Variants in UTRN observed in about 807,000 individuals in gnomAD.
UTRN encodes utrophin.
A neutral mutation model predicts 463.9 loss-of-function variants in UTRN; 283 were observed. The ratio of observed to expected loss-of-function variants is 0.61; its 90% CI spans 0.55 to 0.67. The LOEUF (loss-of-function observed/expected upper bound fraction) is 0.67, where lower values mean the gene tolerates loss of function less well. Among genes scored for constraint, UTRN ranks in the 30% least tolerant of loss-of-function variants. The pLI is 0.00. For synonymous variants in UTRN, 1,442 were observed against 1,431.5 expected (o/e 1.01, Z -0.17); for missense variants, 3,922 against 4,084.3 (o/e 0.96, Z 1.08).
intron 65 of UTRN, among the ~76,000 whole-genome samples, chr6:144,820,491 T>A (rs62427248): frequency 5.4e-5 from 3 of 55,422 alleles, no homozygotes; most frequent in East Asian, 7.5e-3. Flanking sequence ...CCATTGTGGT[T>A]AAAACCACAA....
At chr6:144,470,409 G>T (rs1257805102) in intron 23 of UTRN, among the ~76,000 whole-genome samples, 1 of 151,104 alleles carries the variant, frequency 6.6e-6, no homozygotes, top group Non-Finnish European at 1.5e-5. Flanking sequence ...GGGCGGAGGG[G>T]CTCCTCAGTT....
At chr6:144,744,162 T>A (rs1790412520) in intron 54 of UTRN, among the ~76,000 whole-genome samples, 1 of 145,700 alleles carries the variant, frequency 6.9e-6, no homozygotes, top group South Asian at 2.2e-4. Flanking sequence ...CTGTGGCACA[T>A]AACTGTGATC....
intron 41 of UTRN, among the ~76,000 whole-genome samples, chr6:144,524,023 T>C (rs1319675064): frequency 6.6e-6 from 1 of 152,168 alleles, no homozygotes; most frequent in Non-Finnish European, 1.5e-5. Context: ...AATAACCCAG[T>C]GGAAAGCGCT....
At chr6:144,469,028 C>G (rs1385389043) in intron 23 of UTRN, among the ~76,000 whole-genome samples, 1 of 152,174 alleles carries the variant, frequency 6.6e-6, no homozygotes, top group African/African-American at 2.4e-5. Context: ...CCGAGTGAAT[C>G]TGCTGCTGCC....
At chr6:144,838,385 C>CT (rs75731859) in intron 71 of UTRN, among the ~76,000 whole-genome samples, 19,648 of 152,168 alleles carry the variant, frequency 0.13, 1,417 homozygotes, top group African/African-American at 0.19. Context: ...AAATTCAACT[C>CT]TAATAGTAAA....
chr6:144,758,084 A>G (rs1792213382), intron 58 of UTRN, 95 bp downstream of exon 58: 1 of 1,011,304 alleles, frequency 9.9e-7, no homozygotes, highest in Non-Finnish European at 1.5e-6. Flanking sequence ...TAAAAATAGA[A>G]TTCAGTCCTA....
Position 144,513,961 on chromosome 6 carries a change from CCTGG to C in UTRN, c.5000_5003del (p.Trp1667PhefsTer23). On this transcript the variant is annotated frameshift_variant, in exon 36 of 75. Coordinates refer to ENST00000367545, the MANE Select transcript of UTRN (RefSeq NM_007124.3). LOFTEE classifies it high-confidence loss of function. ...GATGGGAACGTGGCTCACATAAGTACCTGGCTTTATCAAGCTGAAGCTCTATTGG... is the reference window on the plus strand; with the variant it reads ...GATGGGAACGTGGCTCACATAAGTACCTTTATCAAGCTGAAGCTCTATTGG... 6.2e-7 allele frequency: 1 copy of C among 1,613,914 alleles called. No homozygotes were observed. Among genetic ancestry groups the C allele is most frequent in the Non-Finnish European group, 8.5e-7 (1 of 1,179,938 alleles).
intron 36 of UTRN, among the ~76,000 whole-genome samples, chr6:144,514,304 T>G (rs2128591972): frequency 6.6e-6 from 1 of 152,356 alleles, no homozygotes; most frequent in African/African-American, 2.4e-5. Context: ...GATTGCTGAC[T>G]TTTGTATTCT....
intron 69 of UTRN, among the ~76,000 whole-genome samples, chr6:144,834,369 G>T (rs1366134726): frequency 6.6e-6 from 1 of 152,116 alleles, no homozygotes; most frequent in Non-Finnish European, 1.5e-5. Context: ...GATGAAGAAA[G>T]CAAAATAAAT....
chr6:144,687,044 A>G (rs1782842869), intron 52 of UTRN, among the ~76,000 whole-genome samples: 1 of 151,688 alleles, frequency 6.6e-6, no homozygotes, highest in East Asian at 1.9e-4. Context: ...AAGATTGAGA[A>G]CTCCTTTTAG....
chr6:144,488,905 G>T, intron 30 of UTRN, 71 bp downstream of exon 30: 1 of 1,382,048 alleles, frequency 7.2e-7, no homozygotes. Context: ...AACTATAAGA[G>T]AACCCCTCCT....
intron 12 of UTRN, 36 bp downstream of exon 12, chr6:144,438,931 A>G (rs973328557): frequency 1.9e-6 from 3 of 1,606,754 alleles, no homozygotes; most frequent in Non-Finnish European, 2.6e-6. Flanking sequence ...TACCTTATCA[A>G]ATATGAAAGA....
chr6:144,626,922 C>T (rs953809556), intron 51 of UTRN, among the ~76,000 whole-genome samples: 2 of 152,156 alleles, frequency 1.3e-5, no homozygotes, highest in African/African-American at 4.8e-5. Flanking sequence ...TCACAGTCTG[C>T]GTTTGTGTTA....
At chr6:144,451,126 A>G (rs184117531) in intron 17 of UTRN, among the ~76,000 whole-genome samples, 31 of 152,316 alleles carry the variant, frequency 2.0e-4, no homozygotes, top group Admixed American at 9.8e-4. Flanking sequence ...CAACAACAAC[A>G]ACAACAAATT....
In UTRN at chr6:144,523,022, A is replaced by G; in HGVS notation, c.5740A>G (p.Lys1914Glu). The G allele has an allele frequency of 3.1e-6, 5 of 1,593,738 alleles. No homozygotes were observed. The highest frequency in any genetic ancestry group is 4.3e-6 in the Non-Finnish European group (5 of 1,172,562). The change falls in exon 41 of 75, where the codon AAA becomes GAA. Residue 1914 changes from lysine (K) to glutamate (E), a missense_variant. Coordinates refer to ENST00000367545, the MANE Select transcript of UTRN (RefSeq NM_007124.3). ...SFQEDSLKNI[K>E]DQLDKLGEQI... ...TATGACAATATATTTTTAGAATATC[A>G]AAGACCAACTGGACAAACTTGGAGA...
chr6:144,418,341 G>T (rs1226844684), intron 3 of UTRN, among the ~76,000 whole-genome samples: 1 of 150,024 alleles, frequency 6.7e-6, no homozygotes, highest in Admixed American at 6.6e-5. Flanking sequence ...AGCCTCCCGA[G>T]TAGCTGGGAC....
chr6:144,612,227 A>G (rs1316064899), intron 51 of UTRN, among the ~76,000 whole-genome samples: 1 of 152,154 alleles, frequency 6.6e-6, no homozygotes, highest in Non-Finnish European at 1.5e-5. Flanking sequence ...ATCAACTTCA[A>G]ATGGATTAAA....
At chr6:144,348,661 G>T (rs1356864202) in intron 2 of UTRN, among the ~76,000 whole-genome samples, 1 of 152,202 alleles carries the variant, frequency 6.6e-6, no homozygotes, top group Non-Finnish European at 1.5e-5. Context: ...ATCGGCCGGT[G>T]CGGTGGCTCA....
intron 69 of UTRN, among the ~76,000 whole-genome samples, chr6:144,833,331 G>A (rs550218406): frequency 6.6e-6 from 1 of 152,148 alleles, no homozygotes; most frequent in Non-Finnish European, 1.5e-5. Flanking sequence ...TTGCTCCATT[G>A]TCTTTGGACA....
Sources: allele counts gnomAD v4.1 joint callset (sites outside exome capture counted in the v4.1 genomes callset), GRCh38; gene constraint gnomAD v4.1.1; transcripts MANE v1.5; gene names NCBI Gene and HGNC (gene_info 2026-07-23, HGNC 2026-07-21).